ZNF335: variants seen among roughly 807,000 people sequenced by gnomAD.
ZNF335 encodes the protein NRC-interacting factor 1.
ZNF335 carries 84 observed loss-of-function variants against 145.6 expected under a neutral mutation model. The ratio of observed to expected loss-of-function variants is 0.58; its 90% CI spans 0.48 to 0.69. The LOEUF (loss-of-function observed/expected upper bound fraction) is 0.69. Among genes scored for constraint, ZNF335 ranks in the 30% least tolerant of loss-of-function variants. ZNF335 has a pLI of 0.00. For missense variants in ZNF335, 1,865 were observed against 1,809.7 expected, an observed-to-expected ratio of 1.03 and a Z score of -0.55; for synonymous variants, 761 against 717.0, an observed-to-expected ratio of 1.06 and a Z score of -0.98.
chr20:45,951,664 G>T (rs1369275233), intron 20 of ZNF335, among the ~76,000 whole-genome samples: 1 of 152,244 alleles, frequency 6.6e-6, no homozygotes, highest in Non-Finnish European at 1.5e-5. Flanking sequence ...ACAGGAAGTG[G>T]AGCTCAGGCA....
At chr20:45,968,415 AGGCCCACCCCCATG>A in intron 3 of ZNF335, 53 bp from the exon 4 acceptor site, 1 of 1,554,018 alleles carries the variant, frequency 6.4e-7, no homozygotes, top group South Asian at 1.1e-5. Flanking sequence ...TCCCAGCAAC[AGGCCCACCCCCATG>A]GGCCCCACTT....
chr20:45,954,422 T>C (rs977325655), intron 17 of ZNF335, among the ~76,000 whole-genome samples: 3 of 152,220 alleles, frequency 2.0e-5, no homozygotes, highest in Middle Eastern at 3.2e-3. Flanking sequence ...TGGCTTCAAA[T>C]GGTTTAAAGA....
chr20:45,969,911 C>A, intron 2 of ZNF335: 2 of 477,584 alleles, frequency 4.2e-6, no homozygotes, highest in Non-Finnish European at 3.6e-6. Context: ...TCAGGGAATA[C>A]ACAAAAATAA....
rs770779104 is a variant in ZNF335 at position 45,949,377 on chromosome 20, G to T, written c.3775C>A (p.His1259Asn). 1 of 1,614,160 alleles carries T rather than the reference G, an allele frequency of 6.2e-7. No individual in the cohort carries two copies. The highest frequency in any genetic ancestry group is 8.5e-7 in the Non-Finnish European group (1 of 1,180,030). The change falls in exon 26 of 28, where the codon CAC (histidine) becomes AAC (asparagine). Residue 1259 changes from histidine to asparagine, a missense_variant. Transcript: ENST00000322927. ...GGGGCTCCTTGTTCATACTGGATGT[G>T]TGTGATCTGGCCCTCCTGTACCTGC... ...HIQVQEGQIT[H>N]IQYEQGAPFL...
chr20:45,949,024 C>T lies in ZNF335; in HGVS notation c.3958G>A (p.Val1320Met), dbSNP rs1568801867. The change falls in exon 28 of 28, where the codon GTG (valine) becomes ATG (methionine). Residue 1320 changes from valine (V) to methionine (M), a missense_variant. Physicochemically the swap from Val to Met is conservative, Grantham distance 21 (BLOSUM62 1). Transcript: ENST00000322927. ...TGCAGCTGTTGAATGTGTTCGGGCA[C>T]TGTCTCGTCTGTACCAAACAGGCCC... ...AQGLFGTDET[V>M]PEHIQQLQHQ... 6 of 1,613,940 alleles carry T rather than the reference C, an allele frequency of 3.7e-6. No homozygotes were observed. The highest frequency in any genetic ancestry group is 5.1e-6 in the Non-Finnish European group (6 of 1,180,032).
intron 23 of ZNF335, 23 bp from the exon 24 acceptor site, chr20:45,949,900 A>G: frequency 5.6e-6 from 9 of 1,614,112 alleles, no homozygotes; most frequent in Non-Finnish European, 7.6e-6. Context: ...AGACAGCTCT[A>G]GCCTCATTTC....
chr20:45,950,198 G>A, intron 22 of ZNF335, 21 bp downstream of exon 22: 1 of 1,554,672 alleles, frequency 6.4e-7, no homozygotes, highest in South Asian at 1.2e-5. Flanking sequence ...TGCCCACCCT[G>A]TGGCCCCAGG....
chr20:45,949,420 G>A (rs765646672), intron 25 of ZNF335, 22 bp from the exon 26 acceptor site: 1 of 1,614,066 alleles, frequency 6.2e-7, no homozygotes, highest in Middle Eastern at 1.6e-4. Flanking sequence ...AAGCCAAGCT[G>A]TGATCCTAGG....
intron 17 of ZNF335, among the ~76,000 whole-genome samples, chr20:45,956,608 A>C (rs2083733244): frequency 6.6e-6 from 1 of 152,118 alleles, no homozygotes; most frequent in South Asian, 2.1e-4. Context: ...ACAGGAGACA[A>C]ATCAATAGAA....
At chr20:45,967,392 G>A in intron 6 of ZNF335, 102 bp downstream of exon 6, 2 of 1,571,714 alleles carry the variant, frequency 1.3e-6, no homozygotes, top group Admixed American at 1.7e-5. Flanking sequence ...ACCTGTGGAT[G>A]TGTCTGTGCC....
chr20:45,954,250 C>G (rs2083685852), intron 17 of ZNF335, among the ~76,000 whole-genome samples: 1 of 152,092 alleles, frequency 6.6e-6, no homozygotes, highest in Admixed American at 6.5e-5. Context: ...GGCATATAGT[C>G]GGGAGAGGCC....
intron 17 of ZNF335, among the ~76,000 whole-genome samples, chr20:45,956,234 T>TC (rs1417033408): frequency 6.6e-5 from 10 of 151,938 alleles, no homozygotes; most frequent in African/African-American, 2.4e-4. Flanking sequence ...TTTCTTTTTT[T>TC]CTTTTTTTTT....
Position 45,959,240 on chromosome 20 carries a change from CG to C in ZNF335, c.2213del (p.Ala738GlyfsTer63). Reference sequence around the variant, plus strand: ...GGGAACTGGGAGGTGGTCCAGGGGCCGCACTGTGCTGCTGCTTCAGCTCCTC... The same window carrying C: ...GGGAACTGGGAGGTGGTCCAGGGGCCCACTGTGCTGCTGCTTCAGCTCCTC... ...QIEELKQQHSAAPGPPPSSPG... is the reference protein window; with the variant it reads ...QIEELKQQHSXAPGPPPSSPG... On this transcript the variant is annotated frameshift_variant, in exon 15 of 28. Transcript: ENST00000322927. LOFTEE classifies it high-confidence loss of function. The C allele has an allele frequency of 6.9e-7, 1 of 1,451,362 alleles. No individual in the cohort carries two copies. Among genetic ancestry groups the C allele is most frequent in the Non-Finnish European group, 9.2e-7 (1 of 1,088,862 alleles). The allele number at this position is 1,451,362 out of a possible 1,614,324, so 89.9% of individuals were successfully genotyped here.
rs1404382708 is a variant in ZNF335 at position 45,959,511 on chromosome 20, A to G, written c.2021-78T>C. 2.7e-6 allele frequency: 3 copies of G among 1,123,282 alleles called. No homozygotes were observed. In the African/African-American group the frequency reaches 4.9e-5, roughly 18 times the overall value. The allele number at this position is 1,123,282 out of a possible 1,614,324, so 69.6% of individuals were successfully genotyped here. A position where few individuals can be genotyped will look rare whatever the true frequency, so the allele number is the denominator to read the frequency against. ...CTCCAGGAATCCTTTCTTGACCCTA[A>G]GGATCTCTCCAACTGACTGACTTCC... On this transcript the variant is annotated intron_variant, in intron 14 of 27. Coordinates refer to ENST00000322927, the MANE Select transcript of ZNF335 (RefSeq NM_022095.4).
At chr20:45,960,958 C>A in intron 10 of ZNF335, 76 bp from the exon 11 acceptor site, 1 of 1,586,552 alleles carries the variant, frequency 6.3e-7, no homozygotes, top group East Asian at 2.3e-5. Flanking sequence ...TGAACAGACC[C>A]AGCCTCAGCT....
rs780393773 is a variant in ZNF335 at position 45,950,360 on chromosome 20, C to T, written c.3346G>A (p.Gly1116Arg). ...CGCTGGATGTGGAACTTGAGGTGCC[C>T]GTTACGGTTGAAACTGAGGGGGATG... ...HLCGQRFNRNGHLKFHIQRLH... is the reference protein window; with the variant it reads ...HLCGQRFNRNRHLKFHIQRLH... Residue 1116 changes from glycine to arginine, a missense_variant, in exon 22 of 28, where the codon GGG becomes AGG. Physicochemically the swap from Gly to Arg is moderately radical, Grantham distance 125. Coordinates refer to ENST00000322927, the MANE Select transcript of ZNF335 (RefSeq NM_022095.4). The T allele has an allele frequency of 3.8e-6, 6 of 1,593,748 alleles. No homozygotes were observed. Among genetic ancestry groups the T allele is most frequent in the Admixed American group, 1.7e-5 (1 of 59,134 alleles).
intron 20 of ZNF335, 24 bp from the exon 21 acceptor site, chr20:45,950,619 G>A (rs770244628): frequency 7.0e-5 from 113 of 1,613,142 alleles, no homozygotes; most frequent in Non-Finnish European, 9.4e-5. Flanking sequence ...AGAGTTGGGG[G>A]CATTGGCTGG....
intron 2 of ZNF335, chr20:45,969,913 C>A: frequency 3.0e-5 from 14 of 464,668 alleles, no homozygotes; most frequent in African/African-American, 3.9e-5. Context: ...AGGGAATACA[C>A]AAAAATAAGA....
At position 45,971,293 on chromosome 20, in the gene ZNF335, T is replaced by C; in HGVS notation, c.118A>G (p.Ser40Gly). The change falls in exon 2 of 28, where the codon AGC becomes GGC. Residue 40 changes from serine (S) to glycine (G), a missense_variant. Ser to Gly is a moderately conservative substitution (Grantham distance 56, BLOSUM62 0). Transcript: ENST00000322927. ...TGCCCCGGGGCGGCCGCGGCGTCGC[T>C]GCTGTCGGCGGACACGGCTTCTGAG... is the stretch of plus-strand genomic sequence containing the variant. ...GTSEAVSADS[S>G]DAAAAPGQAE... 1 of 1,589,000 alleles carries C rather than the reference T, an allele frequency of 6.3e-7. No homozygotes were observed. Among genetic ancestry groups the C allele is most frequent in the East Asian group, 2.3e-5 (1 of 44,232 alleles).
Sources: allele counts gnomAD v4.1 joint callset (sites outside exome capture counted in the v4.1 genomes callset), GRCh38; gene constraint gnomAD v4.1.1; transcripts MANE v1.5; gene names NCBI Gene and HGNC (gene_info 2026-07-23, HGNC 2026-07-21).